Variants in TMEM243 observed in about 807,000 individuals in gnomAD.
TMEM243 encodes MDR1 and mitochondrial taxol resistance associated.
Under a neutral mutation model 15.0 loss-of-function variants are expected in TMEM243, and 20 were observed. The ratio of observed to expected loss-of-function variants is 1.33; its 90% CI spans 0.94 to 1.93. The LOEUF (loss-of-function observed/expected upper bound fraction) is 1.93, where lower values mean the gene tolerates loss of function less well. TMEM243 is among the 30% of genes most tolerant of loss of function. TMEM243 has a pLI of 0.00. For missense variants in TMEM243, 156 were observed against 142.1 expected (o/e 1.10, Z -0.50); for synonymous variants, 72 against 52.7 (o/e 1.37, Z -1.59).
At chr7:87,209,022 C>T (rs2129230733) in intron 1 of TMEM243, among the ~76,000 whole-genome samples, 1 of 152,338 alleles carries the variant, frequency 6.6e-6, no homozygotes, top group Middle Eastern at 3.4e-3. Flanking sequence ...TCACCTGGGC[C>T]TTCACTGTAT....
At chr7:87,197,676 G>A (rs566514906) in intron 3 of TMEM243, 15 of 1,291,984 alleles carry the variant, frequency 1.2e-5, no homozygotes, top group South Asian at 3.6e-5. Context: ...GGCCACCTAC[G>A]TCTTTCCACT....
In TMEM243 at chr7:87,204,779, G is replaced by A. The variant is rs190802442; in HGVS notation, c.79-5722C>T. Among the ~76,000 whole-genome samples, 287 of 152,298 alleles carry A rather than the reference G, an allele frequency of 1.9e-3. 1 individual carries two copies. Among genetic ancestry groups the A allele is most frequent in the African/African-American group, 6.4e-3 (264 of 41,556 alleles). On this transcript the variant is annotated intron_variant, in intron 1 of 3. Transcript: ENST00000257637. Reference sequence around the variant, plus strand: ...TTCCAGGCACATGGAGCAAGTTTCGGTGAATCTACCATTCTGGCATCTGGA... The same window carrying A: ...TTCCAGGCACATGGAGCAAGTTTCGATGAATCTACCATTCTGGCATCTGGA...
intron 1 of TMEM243, among the ~76,000 whole-genome samples, chr7:87,209,299 T>G: frequency 7.1e-6 from 1 of 140,588 alleles, no homozygotes; most frequent in African/African-American, 2.7e-5. Flanking sequence ...CATGGCAGCA[T>G]GAGGGGGTGG....
At chr7:87,204,949 T>C (rs1554364551) in intron 1 of TMEM243, among the ~76,000 whole-genome samples, 1 of 152,256 alleles carries the variant, frequency 6.6e-6, no homozygotes, top group Non-Finnish European at 1.5e-5. Flanking sequence ...TGCCTGGACA[T>C]CCAGGTGTTT....
At chr7:87,216,548 T>G (rs1156754780) in intron 1 of TMEM243, among the ~76,000 whole-genome samples, 1 of 152,210 alleles carries the variant, frequency 6.6e-6, no homozygotes, top group African/African-American at 2.4e-5. Context: ...TAAATAGGAA[T>G]AACTTAGAAT....
intron 1 of TMEM243, among the ~76,000 whole-genome samples, chr7:87,207,214 G>C (rs1802291396): frequency 6.6e-6 from 1 of 152,198 alleles, no homozygotes; most frequent in Non-Finnish European, 1.5e-5. Flanking sequence ...TCACAGCTCT[G>C]AACTCCAGCT....
Position 87,198,040 on chromosome 7 carries a change from C to A in TMEM243, c.135G>T (p.Thr45=), listed in dbSNP as rs774733691. The A allele has an allele frequency of 6.2e-7, 1 of 1,611,602 alleles. No individual in the cohort carries two copies. Among genetic ancestry groups the A allele is most frequent in the Non-Finnish European group, 8.5e-7 (1 of 1,178,548 alleles). Residue 45 remains threonine, a synonymous_variant, in exon 3 of 4, where the codon ACG becomes ACT. Transcript: ENST00000257637. ...GAGGGAAAACAAAAGCACTTATCAG[C>A]GTTACCTGTATGAAGAGAAATTATG... ...GSLTSLLILV[T]LISAFVFPQL... is the part of the protein sequence containing the mutation.
In TMEM243 at chr7:87,196,343, T is replaced by C. The variant is rs1801224288; in HGVS notation, c.*293A>G. The C allele has an allele frequency of 4.1e-6, 1 of 245,432 alleles. No homozygotes were observed. Among genetic ancestry groups the C allele is most frequent in the Non-Finnish European group, 7.7e-6 (1 of 129,434 alleles). The allele number at this position is 245,432 out of a possible 1,614,324, so 15.2% of individuals were successfully genotyped here. A position where few individuals can be genotyped will look rare whatever the true frequency, so the allele number is the denominator to read the frequency against. Reference sequence around the variant, plus strand: ...TGTCTTAAGATGCAAGATTTGTTTTTACATAGCCTTTTGCCATACAATTAT... The same window carrying C: ...TGTCTTAAGATGCAAGATTTGTTTTCACATAGCCTTTTGCCATACAATTAT... On this transcript the variant is annotated 3_prime_UTR_variant, in exon 4 of 4. Transcript: ENST00000257637.
chr7:87,207,817 C>T (rs1277516537), intron 1 of TMEM243, among the ~76,000 whole-genome samples: 3 of 152,152 alleles, frequency 2.0e-5, no homozygotes, highest in Non-Finnish European at 4.4e-5. Context: ...GTGCTCAATC[C>T]GATTTCCAGG....
chr7:87,209,415 C>T (rs111630152), intron 1 of TMEM243, among the ~76,000 whole-genome samples: 396 of 149,140 alleles, frequency 2.7e-3, no homozygotes, highest in African/African-American at 9.1e-3. Context: ...AATGAGAGAG[C>T]GAGAGTGAAA....
chr7:87,219,150 C>A (rs1803310126), intron 1 of TMEM243, among the ~76,000 whole-genome samples: 1 of 152,152 alleles, frequency 6.6e-6, no homozygotes, highest in South Asian at 2.1e-4. Context: ...AACCTCCCCT[C>A]CGGAGGGGGT....
intron 1 of TMEM243, chr7:87,199,707 A>C (rs1273958283): frequency 6.6e-6 from 1 of 152,182 alleles, no homozygotes; most frequent in African/African-American, 2.4e-5. Context: ...CCCAACCAAC[A>C]AAGAATGTTT....
At chr7:87,211,896 A>C (rs1802779663) in intron 1 of TMEM243, among the ~76,000 whole-genome samples, 1 of 152,208 alleles carries the variant, frequency 6.6e-6, no homozygotes, top group South Asian at 2.1e-4. Context: ...AGACTTCCCA[A>C]AGCAACACCA....
At chr7:87,198,782 G>A in intron 2 of TMEM243, 1 of 467,974 alleles carries the variant, frequency 2.1e-6, no homozygotes, top group Non-Finnish European at 3.8e-6. Flanking sequence ...GGCAAAACAT[G>A]GTAAACTCAA....
At chr7:87,200,735 G>A (rs184297631) in intron 1 of TMEM243, among the ~76,000 whole-genome samples, 49 of 152,266 alleles carry the variant, frequency 3.2e-4, no homozygotes, top group African/African-American at 1.1e-3. Context: ...CAGGCTCAGG[G>A]AAACTGAGAA....
In TMEM243 at chr7:87,204,132, A is replaced by T. The variant is rs1347542600; in HGVS notation, c.79-5075T>A. ...AAAATGAGAGCCAAGCAAAAGGGGA[A>T]ACCCCTTATAAAATCATCAGATCTT... On this transcript the variant is annotated intron_variant, in intron 1 of 3. Transcript: ENST00000257637. Among the ~76,000 whole-genome samples, 9 of 152,314 alleles carry T rather than the reference A, an allele frequency of 5.9e-5. No homozygotes were observed. In the South Asian group the frequency reaches 6.2e-4, roughly 11 times the overall value.
chr7:87,202,848 T>G (rs1325596639), intron 1 of TMEM243: 2 of 152,240 alleles, frequency 1.3e-5, no homozygotes, highest in African/African-American at 4.8e-5. Context: ...CTGGGCTAAA[T>G]GATACCTGGT....
chr7:87,219,640 G>A lies in TMEM243; in HGVS notation c.-137C>T. The A allele has an allele frequency of 1.4e-6, 1 of 728,746 alleles. No homozygotes were observed. Among genetic ancestry groups the A allele is most frequent in the South Asian group, 1.7e-5 (1 of 58,000 alleles). The allele number at this position is 728,746 out of a possible 1,614,324, so 45.1% of individuals were successfully genotyped here. ...CCCGAGTGGTCGGGGAAGCGCTGGC[G>A]CCAGGGATGGGTGGGGGCTCACACG... On this transcript the variant is annotated 5_prime_UTR_variant, in exon 1 of 4. Transcript: ENST00000257637.
In TMEM243 at chr7:87,196,247, G is replaced by GT. The variant is rs1801205584; in HGVS notation, c.*388dup. 1 of 156,900 alleles carries GT rather than the reference G, an allele frequency of 6.4e-6. No homozygotes were observed. Among genetic ancestry groups the GT allele is most frequent in the African/African-American group, 2.4e-5 (1 of 41,614 alleles). The allele number at this position is 156,900 out of a possible 1,614,324, so 9.7% of individuals were successfully genotyped here. On this transcript the variant is annotated 3_prime_UTR_variant, in exon 4 of 4. Transcript: ENST00000257637. Reference sequence around the variant, plus strand: ...TGTTTTGTCAACGTGAAATTAAATTGTAGTTATAAGCAAAAGTTGGTTGCC... The same window carrying GT: ...TGTTTTGTCAACGTGAAATTAAATTGTTAGTTATAAGCAAAAGTTGGTTGCC...
Sources: gnomAD v4.1 joint callset for allele counts (sites outside exome capture counted in the v4.1 genomes callset) on GRCh38, gnomAD v4.1.1 for gene constraint, MANE v1.5 for transcripts, NCBI Gene and HGNC (gene_info 2026-07-23, HGNC 2026-07-21) for gene names.